TRAPPC9: variants seen among roughly 807,000 people sequenced by gnomAD.
TRAPPC9 encodes the protein trafficking protein particle complex subunit 9, also known as IKK2 binding protein.
TRAPPC9 carries 83 observed loss-of-function variants against 124.0 expected under a neutral mutation model. That is an observed-to-expected ratio of 0.67 (90% CI 0.56 to 0.80). The LOEUF (loss-of-function observed/expected upper bound fraction) is 0.80, where lower values mean the gene tolerates loss of function less well. TRAPPC9 is among the 30% of genes least tolerant of loss of function. TRAPPC9 has a pLI of 0.00. For missense variants in TRAPPC9, 1,302 were observed against 1,508.3 expected, an observed-to-expected ratio of 0.86 and a Z score of 2.27; for synonymous variants, 638 against 617.5, an observed-to-expected ratio of 1.03 and a Z score of -0.49.
Position 140,241,060 on chromosome 8 carries a change from A to T in TRAPPC9, c.2431+11717T>A, listed in dbSNP as rs1308088298. On this transcript the variant is annotated intron_variant, in intron 16 of 22. Coordinates refer to ENST00000438773, the MANE Select transcript of TRAPPC9 (RefSeq NM_001160372.4). The surrounding 1 kb of genome is among the most constrained non-coding windows in gnomAD (Gnocchi z 5.0). ...TATTCAGGGCCACCCTGTCACCTGC[A>T]TCCCTGCTGGTGGCATCCAGCTCAT... Among the ~76,000 whole-genome samples, 2 of 152,132 alleles carry T rather than the reference A, an allele frequency of 1.3e-5. No homozygotes were observed. Among genetic ancestry groups the T allele is most frequent in the Admixed American group, 6.5e-5 (1 of 15,268 alleles).
chr8:139,932,408 C>T (rs1464263250), intron 19 of TRAPPC9: 1 of 457,768 alleles, frequency 2.2e-6, no homozygotes, highest in African/African-American at 2.0e-5. Context: ...CGTGGTATGG[C>T]TCCCTTTCTT....
chr8:139,868,079 C>G (rs1828663896), intron 21 of TRAPPC9, among the ~76,000 whole-genome samples: 1 of 152,190 alleles, frequency 6.6e-6, no homozygotes, highest in African/African-American at 2.4e-5. Context: ...ATGGTTCAGG[C>G]TGGGAGCAGT....
intron 7 of TRAPPC9, among the ~76,000 whole-genome samples, chr8:140,375,037 G>C (rs537727651): frequency 2.0e-5 from 3 of 152,172 alleles, no homozygotes; most frequent in South Asian, 2.1e-4. Flanking sequence ...TTGGGCACTA[G>C]GCAGACAATT....
At chr8:140,315,675 C>G (rs990255899) in intron 9 of TRAPPC9, among the ~76,000 whole-genome samples, 1 of 152,104 alleles carries the variant, frequency 6.6e-6, no homozygotes, top group Non-Finnish European at 1.5e-5. Context: ...AAACCTTTGA[C>G]CTTTCCAAAA....
At chr8:139,979,479 C>A (rs1359484572) in intron 19 of TRAPPC9, among the ~76,000 whole-genome samples, 1 of 152,200 alleles carries the variant, frequency 6.6e-6, no homozygotes. Context: ...ATGGCTCCTG[C>A]ACTCGGGTGC....
intron 19 of TRAPPC9, among the ~76,000 whole-genome samples, chr8:139,947,186 G>C (rs1321380905): frequency 6.6e-6 from 1 of 152,138 alleles, no homozygotes; most frequent in Non-Finnish European, 1.5e-5. Context: ...TAGCATGATA[G>C]GGAACAGAGG....
intron 7 of TRAPPC9, among the ~76,000 whole-genome samples, chr8:140,384,132 G>C (rs1183567998): frequency 6.6e-6 from 1 of 151,762 alleles, no homozygotes; most frequent in East Asian, 1.9e-4. Flanking sequence ...GTCACCACCA[G>C]GCCTGCCCTA....
intron 17 of TRAPPC9, among the ~76,000 whole-genome samples, chr8:140,188,863 A>G (rs1368908464): frequency 6.6e-6 from 1 of 152,218 alleles, no homozygotes; most frequent in Non-Finnish European, 1.5e-5. Flanking sequence ...ACCTCCCTCC[A>G]GAATTCCAGC....
intron 21 of TRAPPC9, among the ~76,000 whole-genome samples, chr8:139,862,944 A>T (rs1413599788): frequency 6.6e-6 from 1 of 152,162 alleles, no homozygotes. Context: ...AGCCTCTCTA[A>T]ATCTCCTGGC....
intron 17 of TRAPPC9, among the ~76,000 whole-genome samples, chr8:140,045,707 G>A (rs1256787981): frequency 6.8e-6 from 1 of 148,138 alleles, no homozygotes; most frequent in Non-Finnish European, 1.5e-5. Context: ...TACATCCTAA[G>A]GAAGATGACG....
chr8:140,103,423 G>A (rs2060614406), intron 17 of TRAPPC9, among the ~76,000 whole-genome samples: 1 of 152,140 alleles, frequency 6.6e-6, no homozygotes, highest in African/African-American at 2.4e-5. Context: ...CCACCCACAG[G>A]GGAGCTTTGG....
chr8:139,775,213 C>A (rs1179355248), intron 21 of TRAPPC9, among the ~76,000 whole-genome samples: 1 of 152,150 alleles, frequency 6.6e-6, no homozygotes, highest in Admixed American at 6.5e-5. Flanking sequence ...GGTGGGAGGA[C>A]CTCAGCCCCT....
intron 17 of TRAPPC9, among the ~76,000 whole-genome samples, chr8:140,207,301 G>T (rs2062949276): frequency 6.6e-6 from 1 of 152,192 alleles, no homozygotes; most frequent in Non-Finnish European, 1.5e-5. Flanking sequence ...CATTCTGCCT[G>T]TTTCAGTAGT....
chr8:140,204,484 GA>G (rs2062873756), intron 17 of TRAPPC9, among the ~76,000 whole-genome samples: 1 of 114,316 alleles, frequency 8.7e-6, no homozygotes. Flanking sequence ...TGGGTGGGGG[GA>G]GGGGGGAGGG....
At chr8:139,980,502 G>C (rs13278842) in intron 19 of TRAPPC9, among the ~76,000 whole-genome samples, 5 of 152,108 alleles carry the variant, frequency 3.3e-5, no homozygotes, top group African/African-American at 1.2e-4. Context: ...CGATCTGGAG[G>C]GGGACAGCTT....
At chr8:140,339,987 CGTG>C (rs10570364) in intron 9 of TRAPPC9, among the ~76,000 whole-genome samples, 77,958 of 151,532 alleles carry the variant, frequency 0.51, 20,130 homozygotes, top group East Asian at 0.65. Context: ...GAATTACAGG[CGTG>C]GTGCACCACC....
chr8:140,246,298 T>A (rs1210924508), intron 16 of TRAPPC9, among the ~76,000 whole-genome samples: 1 of 152,182 alleles, frequency 6.6e-6, no homozygotes, highest in Non-Finnish European at 1.5e-5. Flanking sequence ...TGTTTCCTGC[T>A]CCACATCTAG....
intron 18 of TRAPPC9, among the ~76,000 whole-genome samples, chr8:140,000,123 C>A (rs1838291748): frequency 6.6e-6 from 1 of 152,234 alleles, no homozygotes; most frequent in African/African-American, 2.4e-5. Flanking sequence ...CAAAAACAAG[C>A]AATGGTAAAA....
intron 19 of TRAPPC9, 108 bp downstream of exon 19, chr8:139,988,618 C>A: frequency 2.7e-6 from 2 of 747,858 alleles, no homozygotes; most frequent in Non-Finnish European, 2.3e-6. Flanking sequence ...GGGAGACAAA[C>A]TGCCCATCCT....
Sources: gnomAD v4.1 joint callset for allele counts (sites outside exome capture counted in the v4.1 genomes callset) on GRCh38, gnomAD v4.1.1 for gene constraint, Gnocchi (gnomAD v3.1) non-coding constraint, MANE v1.5 for transcripts, NCBI Gene and HGNC (gene_info 2026-07-23, HGNC 2026-07-21) for gene names.